The following SMIM27 variants were observed in gnomAD, a reference collection of about 807,000 sequenced individuals.
SMIM27 encodes transition zone microprotein 1.
In SMIM27, 3 loss-of-function variants were observed where a neutral mutation model predicts 1.8. The observed-to-expected ratio is 1.65, with a 90% confidence interval of 0.75 to 4.28. SMIM27 has a LOEUF of 4.28. Ranked by LOEUF, SMIM27 falls within the 30% of genes most tolerant of loss-of-function variation. The pLI, the probability that SMIM27 is intolerant of heterozygous loss-of-function variation, is 0.02. For missense variants in SMIM27, 63 were observed against 37.0 expected (o/e 1.70, Z -1.83); for synonymous variants, 19 against 13.9 (o/e 1.37, Z -0.82).
At chr9:32,551,196 C>G (rs986481525), upstream of SMIM27, 2 of 616,674 alleles carry the variant, frequency 3.2e-6, no homozygotes, top group Admixed American at 2.7e-5. Context: ...CATCTTGTTA[C>G]TGGTACTCAG....
At chr9:32,555,051 C>A (rs6476369), downstream of SMIM27, among the ~76,000 whole-genome samples, 88,411 of 151,306 alleles carry the variant, frequency 0.58, 26,216 homozygotes, top group Middle Eastern at 0.69. Flanking sequence ...ATGGAGAGGA[C>A]GAGAGAACAC....
chr9:32,566,126 A>G, intron 1 of SMIM27: 1 of 577,018 alleles, frequency 1.7e-6, no homozygotes. Flanking sequence ...TCGAACAAAG[A>G]CGAGAATATG....
At position 32,559,799 on chromosome 9, in the gene SMIM27, AT is replaced by A. The variant is rs141656872; in HGVS notation, c.46-6589del. Among the ~76,000 whole-genome samples the A allele has an allele frequency of 1.0e-2, 1,515 of 152,246 alleles. 32 individuals are homozygous for A. Among genetic ancestry groups the A allele is most frequent in the African/African-American group, 0.035 (1,459 of 41,518 alleles). ...CATTAATATACCTCTTTGTTTATAT[AT>A]TTATTACCAGTCTCTAAAACTAAAC... On this transcript the variant is annotated intron_variant, in intron 1 of 1. Transcript: ENST00000451672.
At position 32,558,998 on chromosome 9, in the gene SMIM27, T is replaced by A. The variant is rs763474992; in HGVS notation, c.45+6519T>A. ...CTGTGTTAATTATGGTGTTAAGAGT[T>A]TCTTCTGAAAATAAGAAATAGGTCA... is the stretch of plus-strand genomic sequence containing the variant. On this transcript the variant is annotated intron_variant, in intron 1 of 1. Transcript: ENST00000451672. 1.1e-5 allele frequency: 15 copies of A among 1,418,854 alleles called. No individual in the cohort carries two copies. The South Asian group carries it at 1.9e-4, about 18-fold the overall frequency. The allele number at this position is 1,418,854 out of a possible 1,614,324, so 87.9% of individuals were successfully genotyped here. A position where few individuals can be genotyped will look rare whatever the true frequency, so the allele number is the denominator to read the frequency against.
Position 32,559,076 on chromosome 9 carries a change from T to C in SMIM27, c.45+6597T>C. ...ACTTTCACAGAACTCCAGATTCACA[T>C]ATCCAACTGTTTACTCAACATCTCT... On this transcript the variant is annotated intron_variant, in intron 1 of 1. Transcript: ENST00000451672. The C allele has an allele frequency of 6.8e-6, 4 of 590,826 alleles. No individual in the cohort carries two copies. The South Asian group carries it at 1.0e-4, about 15-fold the overall frequency. 36.6% of individuals were successfully genotyped at this position (590,826 alleles called of 1,614,324 possible).
chr9:32,551,205 A>C, upstream of SMIM27: 1 of 609,778 alleles, frequency 1.6e-6, no homozygotes, highest in Non-Finnish European at 2.9e-6. Context: ...ACTGGTACTC[A>C]GCCACTGGGG....
At chr9:32,552,222 CCT>C (rs981183838), upstream of SMIM27, 4 of 642,788 alleles carry the variant, frequency 6.2e-6, no homozygotes, top group East Asian at 5.5e-5. Context: ...CGTTTATTCC[CCT>C]CTCTAAAAGG....
At chr9:32,553,592 C>T (rs146635689), downstream of SMIM27, 362 of 360,784 alleles carry the variant, frequency 1.0e-3, 7 homozygotes, top group East Asian at 0.021. Context: ...AGTGTAAGTA[C>T]TGTGTAAGAA....
At chr9:32,553,877 TA>T, downstream of SMIM27, 2 of 1,570,102 alleles carry the variant, frequency 1.3e-6, no homozygotes, top group Non-Finnish European at 1.8e-6. Flanking sequence ...ACATAATCTT[TA>T]ATGATGTTGA....
At chr9:32,561,096 TCAA>T (rs1821612509) in intron 1 of SMIM27, among the ~76,000 whole-genome samples, 1 of 152,174 alleles carries the variant, frequency 6.6e-6, no homozygotes, top group Non-Finnish European at 1.5e-5. Flanking sequence ...TTAAAGCCCA[TCAA>T]CAACAGAAAT....
At chr9:32,566,375 C>T (rs1181978715) in intron 1 of SMIM27, 1 of 1,120,230 alleles carries the variant, frequency 8.9e-7, no homozygotes, top group African/African-American at 1.5e-5. Flanking sequence ...GTTTTTGTTT[C>T]CACTATGTGA....
downstream of SMIM27, chr9:32,553,193 G>A: frequency 3.3e-6 from 1 of 306,816 alleles, no homozygotes; most frequent in Non-Finnish European, 6.0e-6. Flanking sequence ...AAAATGATTC[G>A]GAAAGCTTTT....
At chr9:32,566,464 T>C in exon 2 of SMIM27, 4 of 808,470 alleles carry the variant, frequency 4.9e-6, no homozygotes, top group Non-Finnish European at 9.0e-6. Flanking sequence ...CAAGCAGCCG[T>C]CCATGTCGAA....
downstream of SMIM27, among the ~76,000 whole-genome samples, chr9:32,557,497 T>G (rs1470298103): frequency 2.0e-5 from 3 of 151,288 alleles, no homozygotes; most frequent in African/African-American, 4.9e-5. Context: ...TCCTTTTTTT[T>G]TGAGATGGAG....
chr9:32,551,198 G>A (rs1821249531), upstream of SMIM27: 1 of 614,472 alleles, frequency 1.6e-6, no homozygotes, highest in South Asian at 1.9e-5. Context: ...TCTTGTTACT[G>A]GTACTCAGCC....
At chr9:32,566,150 A>G in intron 1 of SMIM27, 2 of 687,254 alleles carry the variant, frequency 2.9e-6, no homozygotes, top group Middle Eastern at 2.5e-4. Flanking sequence ...TGTATATGTC[A>G]CTGGCGCTTT....
chr9:32,566,168 G>A (rs961885147), intron 1 of SMIM27: 15 of 716,528 alleles, frequency 2.1e-5, no homozygotes, highest in Non-Finnish European at 3.6e-5. Context: ...TTTCACACAG[G>A]CCACTTCCTC....
chr9:32,553,993 G>GTGA, downstream of SMIM27: 1 of 1,182,148 alleles, frequency 8.5e-7, no homozygotes, highest in Non-Finnish European at 1.2e-6. Context: ...GTCTACAGAG[G>GTGA]TGATAGTTCT....
chr9:32,557,610 G>C (rs1821503344), downstream of SMIM27, among the ~76,000 whole-genome samples: 1 of 151,628 alleles, frequency 6.6e-6, no homozygotes, highest in African/African-American at 2.4e-5. Flanking sequence ...ATCCTCAGTA[G>C]CTGGGATTAC....
Sources: allele counts gnomAD v4.1 joint callset (sites outside exome capture counted in the v4.1 genomes callset), GRCh38; gene constraint gnomAD v4.1.1; transcripts MANE v1.5; gene names NCBI Gene and HGNC (gene_info 2026-07-23, HGNC 2026-07-21).